The following GPBP1L1 variants were observed in gnomAD, a reference collection of about 807,000 sequenced individuals.
GPBP1L1 encodes the protein GC-rich promoter binding protein 1 like 1.
In GPBP1L1, 23 loss-of-function variants were observed where a neutral mutation model predicts 52.5. The observed-to-expected ratio is 0.44, with a 90% CI of 0.32 to 0.62. The LOEUF is 0.62. Ranked by LOEUF, GPBP1L1 falls within the 20% of genes least tolerant of loss-of-function variation. The pLI is 0.06. For synonymous variants in GPBP1L1, 243 were observed against 203.1 expected (o/e 1.20, Z -1.67); for missense variants, 596 against 579.3 (o/e 1.03, Z -0.30).
chr1:45,657,968 C>G (rs2148477537), intron 4 of GPBP1L1, among the ~76,000 whole-genome samples: 1 of 152,240 alleles, frequency 6.6e-6, no homozygotes, highest in South Asian at 2.1e-4. Flanking sequence ...GAAAGGTAGG[C>G]CTTTATTTTT....
chr1:45,645,956 C>G, intron 6 of GPBP1L1: 1 of 492,728 alleles, frequency 2.0e-6, no homozygotes, highest in South Asian at 1.5e-5. Flanking sequence ...TTTTCTAGAT[C>G]TTTGAGTTGC....
chr1:45,666,876 A>G (rs1645016649), intron 2 of GPBP1L1, among the ~76,000 whole-genome samples: 1 of 152,246 alleles, frequency 6.6e-6, no homozygotes, highest in Non-Finnish European at 1.5e-5. Flanking sequence ...TAAAAAGGAA[A>G]TGAAGTACTG....
chr1:45,663,879 C>T (rs1051502198), intron 2 of GPBP1L1, among the ~76,000 whole-genome samples: 6 of 151,970 alleles, frequency 3.9e-5, no homozygotes, highest in Admixed American at 6.6e-5. Context: ...TTTTACAGAA[C>T]GGCTAACTGG....
chr1:45,654,763 T>C lies in GPBP1L1; in HGVS notation c.257A>G (p.Tyr86Cys), dbSNP rs369862562. The change falls in exon 6 of 13, where the codon TAT becomes TGT. Residue 86 changes from tyrosine (Y) to cysteine (C), a missense_variant. By Grantham distance (194) the Tyr-to-Cys change is radical. Coordinates refer to ENST00000355105, the MANE Select transcript of GPBP1L1 (RefSeq NM_021639.5). ...AGATGGGTTCCCTGTGATTCCAGCA[T>C]ATGCTCCCTTAGAGACACCAGAGTC... Reference protein sequence around the residue: ...SVDSGVSKGAYAGITGNPSGW... With the variant: ...SVDSGVSKGACAGITGNPSGW... 8.1e-6 allele frequency: 13 copies of C among 1,614,110 alleles called. No homozygotes were observed. The East Asian group carries it at 2.2e-4, about 28-fold the overall frequency.
At chr1:45,629,454 T>TCCCCG in intron 12 of GPBP1L1, 122 bp downstream of exon 12, 16 of 115,390 alleles carry the variant, frequency 1.4e-4, no homozygotes, top group Non-Finnish European at 2.3e-4. Context: ...ACTAAGGTAA[T>TCCCCG]CCCCCCCCCC....
intron 2 of GPBP1L1, among the ~76,000 whole-genome samples, chr1:45,669,681 T>C (rs1412435551): frequency 1.3e-5 from 2 of 151,944 alleles, no homozygotes; most frequent in African/African-American, 4.8e-5. Context: ...CATAAACTAA[T>C]TGGATAGTTT....
intron 7 of GPBP1L1, among the ~76,000 whole-genome samples, chr1:45,642,000 A>C (rs966074174): frequency 6.6e-6 from 1 of 152,084 alleles, no homozygotes; most frequent in Admixed American, 6.5e-5. Context: ...CCTGATCAAC[A>C]TGGTAAAACC....
At chr1:45,629,779 G>C in intron 11 of GPBP1L1, 101 bp from the exon 12 acceptor site, 1 of 749,350 alleles carries the variant, frequency 1.3e-6, no homozygotes, top group Non-Finnish European at 2.3e-6. Flanking sequence ...CAGGGGCAAT[G>C]GATGTTAAAG....
chr1:45,671,815 ACTCTGT>A (rs1645076605), intron 2 of GPBP1L1, among the ~76,000 whole-genome samples: 1 of 151,762 alleles, frequency 6.6e-6, no homozygotes, highest in Non-Finnish European at 1.5e-5. Flanking sequence ...ACAGAGCGAG[ACTCTGT>A]CTCTAATAAT....
At chr1:45,687,436 A>T (rs543076237), upstream of GPBP1L1, 8 of 152,498 alleles carry the variant, frequency 5.2e-5, no homozygotes, top group East Asian at 1.5e-3. Flanking sequence ...AGGAAGCTAG[A>T]CTACCTAGAA....
intron 10 of GPBP1L1, 120 bp downstream of exon 10, chr1:45,633,369 C>T (rs1444129350): frequency 9.7e-7 from 1 of 1,025,792 alleles, no homozygotes; most frequent in Non-Finnish European, 1.5e-6. Context: ...GTTACACCTA[C>T]AGACAGTATC....
chr1:45,635,350 T>C (rs1011180126), intron 8 of GPBP1L1: 3 of 152,144 alleles, frequency 2.0e-5, no homozygotes, highest in Non-Finnish European at 2.9e-5. Context: ...TTTCTTGCAT[T>C]GATAAAAATC....
At position 45,640,397 on chromosome 1, in the gene GPBP1L1, G is replaced by C; in HGVS notation, c.557C>G (p.Pro186Arg). The C allele has an allele frequency of 1.2e-6, 2 of 1,613,268 alleles. No homozygotes were observed. Among genetic ancestry groups the C allele is most frequent in the Non-Finnish European group, 1.7e-6 (2 of 1,179,764 alleles). ...IGTPSGVWEN[P>R]PSAKQPSKML... is the part of the protein sequence containing the mutation. The stretch of plus-strand genomic sequence containing the variant: ...CTTGGAGGGTTGCTTGGCACTAGGC[G>C]GGTTTTCTGTGAAGTACAAGAGTGG... Residue 186 changes from proline (P) to arginine (R), a missense_variant, in exon 8 of 13, where the codon CCG (proline) becomes CGG (arginine). Transcript: ENST00000355105.
intron 7 of GPBP1L1, among the ~76,000 whole-genome samples, chr1:45,641,245 T>C (rs566651326): frequency 5.0e-4 from 76 of 152,278 alleles, no homozygotes; most frequent in African/African-American, 1.8e-3. Context: ...AGACTTCCCA[T>C]GTTCTTGGCT....
Position 45,633,546 on chromosome 1 carries a change from CAG to C in GPBP1L1, c.985_986del (p.Leu329GlufsTer3). ...TDRKSEFLKT[L>X]KDDRNGDFSE... ...AGAAGTCTCCATTCCGGTCATCCTT[CAG>C]AGTTTTCAGGAACTCACTCTTCCTG... On this transcript the variant is annotated frameshift_variant, in exon 10 of 13. Transcript: ENST00000355105. LOFTEE classifies it high-confidence loss of function. 6.2e-7 allele frequency: 1 copy of C among 1,614,028 alleles called. No homozygotes were observed. Among genetic ancestry groups the C allele is most frequent in the Non-Finnish European group, 8.5e-7 (1 of 1,179,990 alleles).
intron 4 of GPBP1L1, 150 bp from the exon 5 acceptor site, chr1:45,655,469 C>T: frequency 1.3e-6 from 1 of 768,790 alleles, no homozygotes; most frequent in East Asian, 2.6e-5. Flanking sequence ...AGGGTACCCA[C>T]AGGTGCCTAA....
chr1:45,653,393 G>T (rs1297676654), intron 6 of GPBP1L1, among the ~76,000 whole-genome samples: 2 of 152,062 alleles, frequency 1.3e-5, no homozygotes, highest in African/African-American at 4.8e-5. Context: ...AATTAGCTGG[G>T]CGTGGTGGCA....
At position 45,640,276 on chromosome 1, in the gene GPBP1L1, T is replaced by G. The variant is rs776110840; in HGVS notation, c.678A>C (p.Lys226Asn). 6.2e-7 allele frequency: 1 copy of G among 1,614,140 alleles called. No homozygotes were observed. The highest frequency in any genetic ancestry group is 8.5e-7 in the Non-Finnish European group (1 of 1,180,004). ...SPGSHHANGNKLSSVVPSVYK... is the reference protein window; with the variant it reads ...SPGSHHANGNNLSSVVPSVYK... ...AGACACTTGGAACCACGGATGACAA[T>G]TTGTTCCCATTTGCATGGTGAGATC... Residue 226 changes from lysine to asparagine, a missense_variant, in exon 8 of 13, where the codon AAA becomes AAC. Physicochemically the swap from Lys to Asn is moderately conservative, Grantham distance 94. Coordinates refer to ENST00000355105, the MANE Select transcript of GPBP1L1 (RefSeq NM_021639.5).
chr1:45,683,079 T>A (rs1645230568), intron 2 of GPBP1L1, among the ~76,000 whole-genome samples: 2 of 151,644 alleles, frequency 1.3e-5, no homozygotes, highest in African/African-American at 4.8e-5. Context: ...TTAGTTGGAA[T>A]CCTTTAAAAT....
Sources: allele counts gnomAD v4.1 joint callset (sites outside exome capture counted in the v4.1 genomes callset), GRCh38; gene constraint gnomAD v4.1.1; transcripts MANE v1.5; gene names NCBI Gene and HGNC (gene_info 2026-07-23, HGNC 2026-07-21).